GTF2H1: variants seen among roughly 807,000 people sequenced by gnomAD.
The protein encoded by GTF2H1 is BTF2 p62.
In GTF2H1, 16 loss-of-function variants were observed where a neutral mutation model predicts 71.2. That is an observed-to-expected ratio of 0.22 (90% CI 0.15 to 0.34). The LOEUF (loss-of-function observed/expected upper bound fraction) is 0.34, where lower values mean the gene tolerates loss of function less well. Among genes scored for constraint, GTF2H1 ranks in the 10% least tolerant of loss-of-function variants. The pLI is 1.00. For synonymous variants in GTF2H1, 215 were observed against 219.0 expected (o/e 0.98, Z 0.16); for missense variants, 498 against 648.2 (o/e 0.77, Z 2.52).
chr11:18,333,040 A>G lies in GTF2H1; in HGVS notation c.-15-20A>G, dbSNP rs756835429. ...GATGTGTGGAATAGTTTTTTTCTTC[A>G]TCTTTTTTTTCTCTCTTAGCACCTT... is the stretch of plus-strand genomic sequence containing the variant. On this transcript the variant is annotated intron_variant, in intron 1 of 14. Coordinates refer to ENST00000265963, the MANE Select transcript of GTF2H1 (RefSeq NM_005316.4). 73 of 1,552,798 alleles carry G rather than the reference A, an allele frequency of 4.7e-5. No individual in the cohort carries two copies. Among genetic ancestry groups the G allele is most frequent in the Non-Finnish European group, 6.3e-5 (73 of 1,152,200 alleles).
chr11:18,326,610 A>AT (rs1383174311), intron 1 of GTF2H1, among the ~76,000 whole-genome samples: 8 of 151,646 alleles, frequency 5.3e-5, no homozygotes, highest in South Asian at 2.1e-4. Context: ...GTCTTCATGC[A>AT]TTTTTTTACC....
In GTF2H1 at chr11:18,339,659, TA is replaced by T; in HGVS notation, c.607+4del. 6.6e-7 allele frequency: 1 copy of T among 1,522,342 alleles called. No individual in the cohort carries two copies. Among genetic ancestry groups the T allele is most frequent in the Non-Finnish European group, 9.1e-7 (1 of 1,097,474 alleles). The allele number at this position is 1,522,342 out of a possible 1,614,324, so 94.3% of individuals were successfully genotyped here. A position where few individuals can be genotyped will look rare whatever the true frequency, so the allele number is the denominator to read the frequency against. On this transcript the variant is annotated splice_donor_region_variant and intron_variant, in intron 5 of 14. Transcript: ENST00000265963. ...CCATATTTAGGACCTATCCAGCAGGTAAGAAGAATCAGTTCTTTCAGATGGT... is the reference window on the plus strand; with the variant it reads ...CCATATTTAGGACCTATCCAGCAGGTAGAAGAATCAGTTCTTTCAGATGGT...
At chr11:18,338,400 C>G (rs1865081320) in intron 4 of GTF2H1, 126 bp downstream of exon 4, 1 of 638,230 alleles carries the variant, frequency 1.6e-6, no homozygotes, top group African/African-American at 1.8e-5. Flanking sequence ...ATTGAGTATC[C>G]ATGGTATTCT....
At chr11:18,331,868 A>T (rs758813664) in intron 1 of GTF2H1, among the ~76,000 whole-genome samples, 2 of 152,042 alleles carry the variant, frequency 1.3e-5, no homozygotes, top group Non-Finnish European at 1.5e-5. Flanking sequence ...TTCCCATTTT[A>T]TTTGTTTAGA....
At chr11:18,351,091 C>T (rs1023639735) in intron 9 of GTF2H1, among the ~76,000 whole-genome samples, 5 of 152,092 alleles carry the variant, frequency 3.3e-5, no homozygotes, top group Admixed American at 2.0e-4. Flanking sequence ...CTATTTTACT[C>T]CTAATCCAAA....
intron 11 of GTF2H1, among the ~76,000 whole-genome samples, chr11:18,352,961 C>T (rs1018800376): frequency 6.6e-6 from 1 of 152,382 alleles, no homozygotes; most frequent in East Asian, 1.9e-4. Context: ...CACAGTGGCT[C>T]ACGCCTGTAA....
chr11:18,329,500 C>T (rs891999700), intron 1 of GTF2H1, among the ~76,000 whole-genome samples: 1 of 152,240 alleles, frequency 6.6e-6, no homozygotes, highest in Non-Finnish European at 1.5e-5. Flanking sequence ...GTCCCTTCCT[C>T]TCCAGTCTCT....
chr11:18,361,909 A>G (rs1051600034), intron 14 of GTF2H1, among the ~76,000 whole-genome samples: 3 of 152,196 alleles, frequency 2.0e-5, no homozygotes, highest in Non-Finnish European at 2.9e-5. Context: ...CATTTTTAGC[A>G]TTGTATTTAA....
At chr11:18,331,886 G>T (rs1864908241) in intron 1 of GTF2H1, among the ~76,000 whole-genome samples, 1 of 152,136 alleles carries the variant, frequency 6.6e-6, no homozygotes, top group African/African-American at 2.4e-5. Flanking sequence ...AGAGACACAG[G>T]TCTCACTCAG....
rs559174380 is a variant in GTF2H1, at chr11:18,366,444, G to A, written c.*575G>A. 1 of 152,684 alleles carries A rather than the reference G, an allele frequency of 6.5e-6. No homozygotes were observed. Among genetic ancestry groups the A allele is most frequent in the African/African-American group, 2.4e-5 (1 of 41,534 alleles). 9.5% of individuals were successfully genotyped at this position (152,684 alleles called of 1,614,324 possible). On this transcript the variant is annotated 3_prime_UTR_variant, in exon 15 of 15. Transcript: ENST00000265963. ...GTTAAAAAAAGTACTTTAAAATAAA[G>A]CAAAGGGAGACTGTTGCTCAACCAT...
intron 3 of GTF2H1, among the ~76,000 whole-genome samples, chr11:18,336,869 C>T (rs1356103043): frequency 6.6e-6 from 1 of 151,948 alleles, no homozygotes; most frequent in African/African-American, 2.4e-5. Context: ...GTTCTCCTGC[C>T]TCAGCCTCCC....
At chr11:18,365,737 T>TC in intron 14 of GTF2H1, 46 bp from the exon 15 acceptor site, 4 of 1,322,184 alleles carry the variant, frequency 3.0e-6, no homozygotes, top group Non-Finnish European at 4.4e-6. Context: ...AGGATTAACT[T>TC]CCCCTGCTTT....
chr11:18,366,805 G>A lies in GTF2H1; in HGVS notation c.*936G>A, dbSNP rs1865835955. 1.3e-5 allele frequency: 2 copies of A among 149,626 alleles called. No homozygotes were observed. Among genetic ancestry groups the A allele is most frequent in the African/African-American group, 4.9e-5 (2 of 40,606 alleles). The allele number at this position is 149,626 out of a possible 1,614,324, so 9.3% of individuals were successfully genotyped here. A position where few individuals can be genotyped will look rare whatever the true frequency, so the allele number is the denominator to read the frequency against. On this transcript the variant is annotated 3_prime_UTR_variant, in exon 15 of 15. Coordinates refer to ENST00000265963, the MANE Select transcript of GTF2H1 (RefSeq NM_005316.4). ...CACCTCTTTAGAAGAAATAAAAGAT[G>A]TTTCTCCTATCTCCTTTTCTCTAGT... is the stretch of plus-strand genomic sequence containing the variant.
intron 13 of GTF2H1, 33 bp from the exon 14 acceptor site, chr11:18,360,582 T>C (rs752918049): frequency 9.7e-6 from 10 of 1,030,110 alleles, no homozygotes; most frequent in Non-Finnish European, 1.3e-5. Flanking sequence ...GCTTGAGATT[T>C]CTCTGTAATT....
intron 7 of GTF2H1, among the ~76,000 whole-genome samples, chr11:18,344,230 C>T (rs1012396573): frequency 2.0e-5 from 3 of 152,156 alleles, no homozygotes; most frequent in African/African-American, 7.2e-5. Context: ...TTCATGTTTA[C>T]GGTATCATCA....
At chr11:18,363,771 G>A (rs1865758297) in intron 14 of GTF2H1, among the ~76,000 whole-genome samples, 1 of 151,988 alleles carries the variant, frequency 6.6e-6, no homozygotes, top group African/African-American at 2.4e-5. Flanking sequence ...TTGGAGTGCT[G>A]TGTTGGAAAG....
rs979443590 is a variant in GTF2H1 at position 18,356,403 on chromosome 11, G to C, written c.1261-1549G>C. Among the ~76,000 whole-genome samples, 3 of 151,652 alleles carry C rather than the reference G, an allele frequency of 2.0e-5. No individual in the cohort carries two copies. In the East Asian group the frequency reaches 5.8e-4, roughly 29 times the overall value. On this transcript the variant is annotated intron_variant, in intron 11 of 14. Coordinates refer to ENST00000265963, the MANE Select transcript of GTF2H1 (RefSeq NM_005316.4). ...AAAAAAAAAAAAAAAAAAAAATCTG[G>C]GCACTAGGTATACATTGGGGTGTCA...
intron 7 of GTF2H1, 57 bp from the exon 8 acceptor site, chr11:18,347,531 T>G (rs1865323306): frequency 3.0e-6 from 4 of 1,342,744 alleles, no homozygotes; most frequent in Non-Finnish European, 4.0e-6. Flanking sequence ...TAAGCGTGTC[T>G]TATAATAAGA....
At chr11:18,331,761 T>C (rs757263304) in intron 1 of GTF2H1, among the ~76,000 whole-genome samples, 8 of 152,164 alleles carry the variant, frequency 5.3e-5, no homozygotes, top group Non-Finnish European at 7.4e-5. Flanking sequence ...TTTTAATCCC[T>C]GCCGTACTCC....
Sources: allele counts gnomAD v4.1 joint callset (sites outside exome capture counted in the v4.1 genomes callset), GRCh38; gene constraint gnomAD v4.1.1; transcripts MANE v1.5; gene names NCBI Gene and HGNC (gene_info 2026-07-23, HGNC 2026-07-21).